Variants in CTSC observed in about 807,000 individuals in gnomAD.
CTSC encodes dipeptidyl peptidase 1.
A neutral mutation model predicts 40.9 loss-of-function variants in CTSC; 37 were observed. That is an observed-to-expected ratio of 0.91 (90% CI 0.70 to 1.19). CTSC has a LOEUF of 1.19. Among genes scored for constraint, CTSC ranks in the 50% most tolerant of loss-of-function variants. The pLI, the probability that CTSC is intolerant of heterozygous loss-of-function variation, is 0.00. For synonymous variants in CTSC, 232 were observed against 207.4 expected (o/e 1.12, Z -1.02); for missense variants, 594 against 567.3 (o/e 1.05, Z -0.48).
At chr11:88,308,542 A>AC (rs1234243467) in intron 4 of CTSC, among the ~76,000 whole-genome samples, 1 of 151,018 alleles carries the variant, frequency 6.6e-6, no homozygotes, top group Non-Finnish European at 1.5e-5. Flanking sequence ...CATGTCTGAC[A>AC]CCCGTGGTTC....
At chr11:88,309,094 A>G in intron 4 of CTSC, 69 bp downstream of exon 4, 1 of 1,395,536 alleles carries the variant, frequency 7.2e-7, no homozygotes, top group Non-Finnish European at 1.0e-6. Flanking sequence ...CACTGGTAGG[A>G]CTGCTTAGGA....
rs774935863 is a variant in CTSC at position 88,337,489 on chromosome 11, C to T, written c.172+12G>A. ...AAGGACGACCCGGAGGACTGCCGAG[C>T]CGGCGGCTTACCCATAACCGAGCAG... is the stretch of plus-strand genomic sequence containing the variant. On this transcript the variant is annotated intron_variant, in intron 1 of 6. Coordinates refer to ENST00000227266, the MANE Select transcript of CTSC (RefSeq NM_001814.6). 1.2e-5 allele frequency: 18 copies of T among 1,564,062 alleles called. No homozygotes were observed. Among genetic ancestry groups the T allele is most frequent in the Non-Finnish European group, 1.7e-6 (2 of 1,153,594 alleles).
At chr11:88,316,680 C>T (rs77494126) in intron 2 of CTSC, among the ~76,000 whole-genome samples, 3,571 of 152,180 alleles carry the variant, frequency 0.023, 154 homozygotes, top group African/African-American at 0.081. Flanking sequence ...AAGTAATTAA[C>T]TACTAAATGA....
chr11:88,296,026 A>G (rs1338018892), intron 6 of CTSC, 107 bp downstream of exon 6: 8 of 1,194,770 alleles, frequency 6.7e-6, no homozygotes, highest in African/African-American at 6.0e-5. Flanking sequence ...TTTTCTGACT[A>G]TAGACACTGC....
chr11:88,316,312 T>C (rs1256794737), intron 2 of CTSC, among the ~76,000 whole-genome samples: 1 of 152,098 alleles, frequency 6.6e-6, no homozygotes, highest in East Asian at 1.9e-4. Context: ...TCCTCATCTT[T>C]AAAACAGGAG....
In CTSC at chr11:88,308,035, A is replaced by T. The variant is rs61662189; in HGVS notation, c.641+1128T>A. On this transcript the variant is annotated intron_variant, in intron 4 of 6. Transcript: ENST00000227266. ...AGAAGCATTTCATAAAACAGCTAAG[A>T]ATGGGAACTGGGAGAGGTAGCGACG... is the stretch of plus-strand genomic sequence containing the variant. Among the ~76,000 whole-genome samples the T allele has an allele frequency of 7.5e-3, 1,141 of 152,314 alleles. 14 individuals are homozygous for T. The highest frequency in any genetic ancestry group is 0.026 in the African/African-American group (1,082 of 41,574).
At chr11:88,337,397 C>T (rs1321666349) in intron 1 of CTSC, 104 bp downstream of exon 1, 3 of 1,211,826 alleles carry the variant, frequency 2.5e-6, no homozygotes, top group Non-Finnish European at 3.6e-6. Flanking sequence ...GCTCTGGCCA[C>T]CCACAAGCGT....
At chr11:88,302,037 C>G (rs1361338935) in intron 4 of CTSC, among the ~76,000 whole-genome samples, 1 of 152,132 alleles carries the variant, frequency 6.6e-6, no homozygotes, top group African/African-American at 2.4e-5. Context: ...ACTCACCAGC[C>G]CCCAGCGAAA....
intron 6 of CTSC, among the ~76,000 whole-genome samples, chr11:88,295,498 G>A (rs942135128): frequency 1.3e-5 from 2 of 151,594 alleles, no homozygotes; most frequent in Admixed American, 6.6e-5. Flanking sequence ...TTACACCTCC[G>A]CCTCCTGAAT....
Position 88,327,119 on chromosome 11 carries a change from G to T in CTSC, c.318+7818C>A, listed in dbSNP as rs568986229. On this transcript the variant is annotated intron_variant, in intron 2 of 6. Transcript: ENST00000227266. Reference sequence around the variant, plus strand: ...TCTATATTTATTCAACTACCAGAAAGAACTGAGAAGAAACAGCTTACTAAT... The same window carrying T: ...TCTATATTTATTCAACTACCAGAAATAACTGAGAAGAAACAGCTTACTAAT... 3.3e-5 allele frequency among the ~76,000 whole-genome samples: 5 copies of T among 152,274 alleles called. No homozygotes were observed. The East Asian group carries it at 5.8e-4, about 18-fold the overall frequency.
chr11:88,310,180 C>CTTT (rs11337017), intron 3 of CTSC, among the ~76,000 whole-genome samples: 4 of 142,176 alleles, frequency 2.8e-5, no homozygotes, highest in Admixed American at 7.0e-5. Flanking sequence ...TCAGAATCTC[C>CTTT]TTTTTTTTTT....
chr11:88,334,357 CT>C (rs1384421474), intron 2 of CTSC, among the ~76,000 whole-genome samples: 1 of 152,164 alleles, frequency 6.6e-6, no homozygotes, highest in Non-Finnish European at 1.5e-5. Context: ...TAGTTCTTTC[CT>C]AATGAGAGAA....
intron 2 of CTSC, among the ~76,000 whole-genome samples, chr11:88,329,117 T>C (rs1309361835): frequency 6.6e-6 from 1 of 152,188 alleles, no homozygotes; most frequent in Non-Finnish European, 1.5e-5. Flanking sequence ...GAGTTCCTTC[T>C]CTACTGCTCC....
intron 2 of CTSC, among the ~76,000 whole-genome samples, chr11:88,317,086 C>T (rs1315817113): frequency 3.3e-5 from 5 of 152,198 alleles, no homozygotes; most frequent in Admixed American, 6.5e-5. Context: ...CCTGCCTCAG[C>T]CGCCTGAGTA....
At chr11:88,300,491 C>A (rs1313828112) in intron 5 of CTSC, 39 bp downstream of exon 5, 1 of 1,248,826 alleles carries the variant, frequency 8.0e-7, no homozygotes, top group Admixed American at 1.7e-5. Context: ...ATAAATAGTT[C>A]CAAACAAATT....
intron 2 of CTSC, among the ~76,000 whole-genome samples, chr11:88,327,637 A>G (rs1428366722): frequency 1.3e-5 from 2 of 152,168 alleles, no homozygotes; most frequent in Admixed American, 6.5e-5. Context: ...GTCATGTCAG[A>G]TAAGTGATGA....
chr11:88,309,327 A>C lies in CTSC; in HGVS notation c.486-9T>G, dbSNP rs757022817. 8.1e-6 allele frequency: 13 copies of C among 1,608,000 alleles called. No homozygotes were observed. Among genetic ancestry groups the C allele is most frequent in the African/African-American group, 2.7e-5 (2 of 74,772 alleles). On this transcript the variant is annotated splice_polypyrimidine_tract_variant and intron_variant, in intron 3 of 6. Coordinates refer to ENST00000227266, the MANE Select transcript of CTSC (RefSeq NM_001814.6). ...AGAGCCTATTAGAATACCTGTCCCC[A>C]AAAATGAGATAATTTCAGATATAGT...
At chr11:88,308,939 G>T (rs1055364241) in intron 4 of CTSC, among the ~76,000 whole-genome samples, 1 of 152,104 alleles carries the variant, frequency 6.6e-6, no homozygotes, top group African/African-American at 2.4e-5. Flanking sequence ...AAATGGAAAG[G>T]GGGCAATGGA....
chr11:88,299,117 G>A (rs1256821005), intron 5 of CTSC: 1 of 151,806 alleles, frequency 6.6e-6, no homozygotes, highest in East Asian at 1.9e-4. Flanking sequence ...AGATGTTCTG[G>A]TAACAACACC....
Sources: allele counts gnomAD v4.1 joint callset (sites outside exome capture counted in the v4.1 genomes callset), GRCh38; gene constraint gnomAD v4.1.1; transcripts MANE v1.5; gene names NCBI Gene and HGNC (gene_info 2026-07-23, HGNC 2026-07-21).